Variants in TXNRD2 observed in about 807,000 individuals in gnomAD.
The protein encoded by TXNRD2 is thioredoxin reductase 2.
A neutral mutation model predicts 70.8 loss-of-function variants in TXNRD2; 67 were observed. That is an observed-to-expected ratio of 0.95 (90% CI 0.78 to 1.16). TXNRD2 has a LOEUF of 1.16. Ranked by LOEUF, TXNRD2 falls within the 50% of genes most tolerant of loss-of-function variation. TXNRD2 has a pLI of 0.00. For missense variants in TXNRD2, 644 were observed against 719.9 expected (o/e 0.89, Z 1.21); for synonymous variants, 301 against 295.8 (o/e 1.02, Z -0.18).
intron 11 of TXNRD2, chr22:19,887,700 A>T (rs1055975451): frequency 1.3e-5 from 2 of 152,306 alleles, no homozygotes; most frequent in African/African-American, 4.8e-5. Flanking sequence ...GAAGACTTAC[A>T]TGAAGCTGCC....
chr22:19,898,783 G>A (rs1367944114), intron 9 of TXNRD2, among the ~76,000 whole-genome samples: 1 of 152,122 alleles, frequency 6.6e-6, no homozygotes, highest in Non-Finnish European at 1.5e-5. Context: ...AATGGGTCCA[G>A]GCTGGGGCTG....
intron 11 of TXNRD2, among the ~76,000 whole-genome samples, chr22:19,888,429 A>G (rs2145951483): frequency 6.6e-6 from 1 of 152,348 alleles, no homozygotes; most frequent in Non-Finnish European, 1.5e-5. Flanking sequence ...GGCCAGCCGC[A>G]TGCAGTATCA....
At chr22:19,933,448 G>A (rs1473603002) in intron 1 of TXNRD2, 1 of 1,289,580 alleles carries the variant, frequency 7.8e-7, no homozygotes, top group African/African-American at 1.5e-5. Flanking sequence ...CATGGCAGGT[G>A]CCTGTCCTTC....
In TXNRD2 at chr22:19,915,839, CTT is replaced by C; in HGVS notation, c.452_453del (p.Lys151SerfsTer5). The part of the protein sequence containing the change: ...WGHRVQLQDR[K>X]VKYFNIKASF... ...CTGGCTTTGATGTTAAAGTACTTGA[CTT>C]TTCTGAAAGATAAAGATAAGATTTT... On this transcript the variant is annotated frameshift_variant and splice_region_variant, in exon 6 of 18. Transcript: ENST00000400521. LOFTEE classifies it high-confidence loss of function. 1 of 1,614,048 alleles carries C rather than the reference CTT, an allele frequency of 6.2e-7. No homozygotes were observed. Among genetic ancestry groups the C allele is most frequent in the South Asian group, 1.1e-5 (1 of 91,082 alleles).
rs144396592 is a variant in TXNRD2, at chr22:19,901,897, G to A, written c.663-2829C>T. Among the ~76,000 whole-genome samples, 608 of 152,258 alleles carry A rather than the reference G, an allele frequency of 4.0e-3. 2 individuals are homozygous for A. Among genetic ancestry groups the A allele is most frequent in the African/African-American group, 0.014 (574 of 41,534 alleles). Reference sequence around the variant, plus strand: ...GGGGGCTGGAACCACTCAACTTACCGCTGCATTAAAAGACCCAGAGGTTGG... The same window carrying A: ...GGGGGCTGGAACCACTCAACTTACCACTGCATTAAAAGACCCAGAGGTTGG... On this transcript the variant is annotated intron_variant, in intron 8 of 17. Coordinates refer to ENST00000400521, the MANE Select transcript of TXNRD2 (RefSeq NM_006440.5).
chr22:19,880,552 C>G, intron 13 of TXNRD2, 70 bp downstream of exon 13: 1 of 1,428,654 alleles, frequency 7.0e-7, no homozygotes, highest in Non-Finnish European at 9.9e-7. Flanking sequence ...AAAGGCCCCT[C>G]ACCCCAGAAG....
chr22:19,933,676 C>T, intron 1 of TXNRD2: 1 of 380,704 alleles, frequency 2.6e-6, no homozygotes, highest in Non-Finnish European at 4.9e-6. Flanking sequence ...CCTTTAAGCA[C>T]TTGGAAGGGC....
intron 11 of TXNRD2, 151 bp downstream of exon 11, chr22:19,895,256 C>T (rs1939447714): frequency 5.6e-6 from 9 of 1,594,260 alleles, no homozygotes; most frequent in African/African-American, 1.3e-5. Context: ...CAGGCCTTCA[C>T]GGTTGCTCTC....
At chr22:19,897,168 C>A (rs889522205) in intron 10 of TXNRD2, among the ~76,000 whole-genome samples, 1 of 152,196 alleles carries the variant, frequency 6.6e-6, no homozygotes, top group Non-Finnish European at 1.5e-5. Context: ...TAGGATGGAA[C>A]AACACATGGC....
rs1223698938 is a variant in TXNRD2 at position 19,875,532 on chromosome 22, G to A, written c.*341C>T. The A allele has an allele frequency of 6.6e-6, 1 of 152,274 alleles. No individual in the cohort carries two copies. Among genetic ancestry groups the A allele is most frequent in the Non-Finnish European group, 1.5e-5 (1 of 68,074 alleles). 9.4% of individuals were successfully genotyped at this position (152,274 alleles called of 1,614,324 possible). A position where few individuals can be genotyped will look rare whatever the true frequency, so the allele number is the denominator to read the frequency against. ...GCAGGCAGAGCACACTTCAGAAAAA[G>A]TACCCTCTTTATTTGCATTGCAGAA... On this transcript the variant is annotated 3_prime_UTR_variant, in exon 18 of 18. Coordinates refer to ENST00000400521, the MANE Select transcript of TXNRD2 (RefSeq NM_006440.5).
chr22:19,898,946 T>C, intron 9 of TXNRD2, 103 bp downstream of exon 9: 1 of 1,473,900 alleles, frequency 6.8e-7, no homozygotes, highest in Non-Finnish European at 9.3e-7. Context: ...AGTGCCGATC[T>C]GAGGCAGCAA....
At chr22:19,918,306 T>G (rs1008955017) in intron 4 of TXNRD2, 89 bp from the exon 5 acceptor site, 24 of 1,175,588 alleles carry the variant, frequency 2.0e-5, no homozygotes, top group Non-Finnish European at 3.0e-5. Context: ...AAATGGTACA[T>G]TCATAGAAAT....
At chr22:19,923,802 CA>C (rs1399040468) in intron 2 of TXNRD2, among the ~76,000 whole-genome samples, 11 of 123,254 alleles carry the variant, frequency 8.9e-5, no homozygotes, top group Admixed American at 1.7e-4. Flanking sequence ...AACTATGTCT[CA>C]AAAAAAAAAG....
Position 19,880,191 on chromosome 22 carries a change from C to T in TXNRD2, c.1263G>A (p.Gln421=). Residue 421 remains glutamine (Q), a synonymous_variant, in exon 14 of 18, where the codon CAG becomes CAA. Transcript: ENST00000400521. The part of the protein sequence containing the change: ...SEEEAVARHG[Q]EHVEVYHAHY... ...TCCCAGGCCTCACCTCAACATGCTC[C>T]TGCCCGTGGCGAGCCACTGCCTCCT... The T allele has an allele frequency of 6.2e-7, 1 of 1,613,264 alleles. No individual in the cohort carries two copies. The highest frequency in any genetic ancestry group is 8.5e-7 in the Non-Finnish European group (1 of 1,179,988).
Position 19,941,746 on chromosome 22 carries a change from G to T in TXNRD2, c.58C>A (p.Gln20Lys), listed in dbSNP as rs748298389. Reference protein sequence around the residue: ...GLGGRFRWRTQAVAGGVRGAA... With the variant: ...GLGGRFRWRTKAVAGGVRGAA... ...CCCCGCACCCCGCCCGCCACGGCCT[G>T]CGTCCGCCACCGGAAGCGCCCTCCT... The change falls in exon 1 of 18, where the codon CAG becomes AAG. Residue 20 changes from glutamine to lysine, a missense_variant. By Grantham distance (53) the Gln-to-Lys change is moderately conservative. Transcript: ENST00000400521. The T allele has an allele frequency of 2.0e-6, 3 of 1,499,738 alleles. No homozygotes were observed. The highest frequency in any genetic ancestry group is 2.6e-6 in the Non-Finnish European group (3 of 1,132,456). The allele number at this position is 1,499,738 out of a possible 1,614,324, so 92.9% of individuals were successfully genotyped here.
intron 11 of TXNRD2, among the ~76,000 whole-genome samples, chr22:19,885,095 A>G (rs1434131520): frequency 1.3e-5 from 2 of 152,096 alleles, no homozygotes; most frequent in African/African-American, 2.4e-5. Context: ...GCCCGGAGAG[A>G]GGGCACCGCA....
At chr22:19,889,171 AAGGG>A (rs1939158646) in intron 11 of TXNRD2, among the ~76,000 whole-genome samples, 1 of 152,104 alleles carries the variant, frequency 6.6e-6, no homozygotes. Flanking sequence ...CAGGCAGCAT[AAGGG>A]CCTTTCCTAC....
chr22:19,893,379 C>T (rs754555767), intron 11 of TXNRD2, among the ~76,000 whole-genome samples: 1 of 152,222 alleles, frequency 6.6e-6, no homozygotes. Context: ...AAACTAGGAG[C>T]CTAAACTAGA....
chr22:19,892,082 G>A (rs913922121), intron 11 of TXNRD2, among the ~76,000 whole-genome samples: 1 of 152,238 alleles, frequency 6.6e-6, no homozygotes, highest in Non-Finnish European at 1.5e-5. Flanking sequence ...CCCCCTTCCT[G>A]TCGGAGCCCA....
Sources: allele counts gnomAD v4.1 joint callset (sites outside exome capture counted in the v4.1 genomes callset), GRCh38; gene constraint gnomAD v4.1.1; transcripts MANE v1.5; gene names NCBI Gene and HGNC (gene_info 2026-07-23, HGNC 2026-07-21).